NTAQ1: variants seen among roughly 807,000 people sequenced by gnomAD.
NTAQ1 encodes the protein N-terminal glutamine amidase 1.
In NTAQ1, 21 loss-of-function variants were observed where a neutral mutation model predicts 28.2. That is an observed-to-expected ratio of 0.74 (90% CI 0.53 to 1.07). NTAQ1 has a LOEUF of 1.07. Among genes scored for constraint, NTAQ1 ranks in the 50% least tolerant of loss-of-function variants. The pLI is 0.00. For synonymous variants in NTAQ1, 105 were observed against 90.0 expected, an observed-to-expected ratio of 1.17 and a Z score of -0.94; for missense variants, 264 against 256.6, an observed-to-expected ratio of 1.03 and a Z score of -0.20.
downstream of NTAQ1, among the ~76,000 whole-genome samples, chr8:123,448,623 AGAAT>A (rs1376871508): frequency 6.6e-6 from 1 of 152,166 alleles, no homozygotes; most frequent in African/African-American, 2.4e-5. Context: ...CCGTCGAAAA[AGAAT>A]AAGAAGAATT....
chr8:123,445,399 C>T (rs1260143872), downstream of NTAQ1, among the ~76,000 whole-genome samples: 3 of 151,790 alleles, frequency 2.0e-5, no homozygotes, highest in Non-Finnish European at 4.4e-5. Context: ...CTAGTCAGTA[C>T]ATATTGATTG....
chr8:123,451,249 G>T (rs532816129), downstream of NTAQ1, among the ~76,000 whole-genome samples: 10 of 152,200 alleles, frequency 6.6e-5, no homozygotes, highest in South Asian at 1.5e-3. Context: ...AGAGCTGACT[G>T]CCCCAGTCAA....
downstream of NTAQ1, among the ~76,000 whole-genome samples, chr8:123,473,880 A>G (rs1161896967): frequency 6.6e-6 from 1 of 152,178 alleles, no homozygotes; most frequent in Non-Finnish European, 1.5e-5. Context: ...CTCCTGGTAC[A>G]TTATGGTTAG....
intron 5 of NTAQ1, 108 bp downstream of exon 5, chr8:123,437,442 T>C: frequency 6.7e-7 from 1 of 1,482,708 alleles, no homozygotes; most frequent in Non-Finnish European, 9.0e-7. Context: ...TAAAACTCCA[T>C]GAGTGAATCC....
chr8:123,468,756 A>C (rs1395840761), exon 7 of NTAQ1, among the ~76,000 whole-genome samples: 1 of 152,172 alleles, frequency 6.6e-6, no homozygotes, highest in Non-Finnish European at 1.5e-5. Flanking sequence ...GTTGCTGGTA[A>C]TTCTATTTTT....
chr8:123,446,688 A>G (rs549177399), downstream of NTAQ1, among the ~76,000 whole-genome samples: 4 of 152,320 alleles, frequency 2.6e-5, no homozygotes, highest in Admixed American at 6.5e-5. Context: ...TATCAGTGCC[A>G]TCTTCAAAGC....
Position 123,436,575 on chromosome 8 carries a change from T to C in NTAQ1, c.357T>C (p.Asp119=). 1.2e-6 allele frequency: 2 copies of C among 1,614,030 alleles called. No individual in the cohort carries two copies. The highest frequency in any genetic ancestry group is 4.5e-5 in the East Asian group (2 of 44,858). The part of the protein sequence containing the change: ...DTYVEDAFKS[D]DDIHPQFRRK... ...ATGTAGAAGATGCCTTTAAGTCTGA[T>C]GATGACATTCACCCACAGTTTAGGA... is the stretch of plus-strand genomic sequence containing the variant. The change falls in exon 4 of 6, where the codon GAT becomes GAC. Residue 119 remains aspartate (D), a synonymous_variant. Coordinates refer to ENST00000287387, the MANE Select transcript of NTAQ1 (RefSeq NM_018024.3).
At chr8:123,460,798 G>T (rs3779986) in intron 6 of NTAQ1, among the ~76,000 whole-genome samples, 47,132 of 151,984 alleles carry the variant, frequency 0.31, 7,868 homozygotes, top group South Asian at 0.45. Flanking sequence ...AATGGACTTG[G>T]TAGGTTTGGT....
chr8:123,451,621 G>A (rs577364160), downstream of NTAQ1, among the ~76,000 whole-genome samples: 2 of 152,264 alleles, frequency 1.3e-5, no homozygotes, highest in South Asian at 2.1e-4. Context: ...TTACAGGCAC[G>A]AGCCACCACA....
At chr8:123,420,508 G>A (rs1465354222) in intron 1 of NTAQ1, among the ~76,000 whole-genome samples, 2 of 151,644 alleles carry the variant, frequency 1.3e-5, no homozygotes, top group African/African-American at 4.8e-5. Flanking sequence ...TTCCACAGTG[G>A]CTTAACTAAT....
chr8:123,470,871 A>G (rs1035165643), downstream of NTAQ1, among the ~76,000 whole-genome samples: 13 of 151,354 alleles, frequency 8.6e-5, no homozygotes, highest in African/African-American at 3.2e-4. Flanking sequence ...CCCTGCCTCC[A>G]AAGTCATATC....
intron 6 of NTAQ1, among the ~76,000 whole-genome samples, chr8:123,453,114 C>T (rs946362641): frequency 2.6e-5 from 4 of 152,104 alleles, no homozygotes; most frequent in African/African-American, 7.2e-5. Flanking sequence ...TTTCTGCAGC[C>T]GTAAGTGACG....
chr8:123,459,605 G>A (rs967427699), intron 6 of NTAQ1, among the ~76,000 whole-genome samples: 1 of 151,916 alleles, frequency 6.6e-6, no homozygotes, highest in African/African-American at 2.4e-5. Context: ...AAATTCCAAG[G>A]GATTCAGGAA....
chr8:123,426,762 C>A (rs1409301430), intron 1 of NTAQ1, among the ~76,000 whole-genome samples: 4 of 151,796 alleles, frequency 2.6e-5, no homozygotes, highest in African/African-American at 4.8e-5. Context: ...GAGTTTGAGA[C>A]CAGCCTGGCC....
rs751210327 is a variant in NTAQ1, at chr8:123,436,537, CT to C, written c.320del (p.Leu107ProfsTer6). Reference sequence around the variant, plus strand: ...CGATACTGTCTTGCCATTTCCCTGCCTCTTTGACACTTATGTAGAAGATGCC... The same window carrying C: ...CGATACTGTCTTGCCATTTCCCTGCCCTTTGACACTTATGTAGAAGATGCC... The part of the protein sequence containing the change: ...DLDTVLPFPC[L>X]FDTYVEDAFK... On this transcript the variant is annotated frameshift_variant, in exon 4 of 6. Transcript: ENST00000287387. LOFTEE classifies it high-confidence loss of function. The C allele has an allele frequency of 1.2e-5, 19 of 1,613,900 alleles. No homozygotes were observed. Among genetic ancestry groups the C allele is most frequent in the African/African-American group, 2.7e-5 (2 of 74,900 alleles).
At chr8:123,419,081 G>GTTTTTTTTTTTTTT (rs762479894) in intron 1 of NTAQ1, among the ~76,000 whole-genome samples, 4 of 119,920 alleles carry the variant, frequency 3.3e-5, no homozygotes, top group Non-Finnish European at 5.0e-5. Flanking sequence ...AGCTTTGGGG[G>GTTTTTTTTTTTTTT]TTTTTTTTTT....
intron 1 of NTAQ1, among the ~76,000 whole-genome samples, chr8:123,422,401 A>T (rs1813755008): frequency 6.6e-6 from 1 of 151,320 alleles, no homozygotes; most frequent in Non-Finnish European, 1.5e-5. Flanking sequence ...TCAGCCTCCC[A>T]AGCAACTGAA....
chr8:123,420,170 C>T (rs1224559431), intron 1 of NTAQ1, among the ~76,000 whole-genome samples: 1 of 152,070 alleles, frequency 6.6e-6, no homozygotes, highest in Non-Finnish European at 1.5e-5. Flanking sequence ...TCAGTGTTTG[C>T]TTTTCTGTCC....
chr8:123,454,667 G>A (rs1815596912), intron 6 of NTAQ1, among the ~76,000 whole-genome samples: 1 of 152,200 alleles, frequency 6.6e-6, no homozygotes, highest in Non-Finnish European at 1.5e-5. Flanking sequence ...AACTCTGGCA[G>A]TACTGTCACT....
Sources: gnomAD v4.1 joint callset for allele counts (sites outside exome capture counted in the v4.1 genomes callset) on GRCh38, gnomAD v4.1.1 for gene constraint, MANE v1.5 for transcripts, NCBI Gene and HGNC (gene_info 2026-07-23, HGNC 2026-07-21) for gene names.